The following MLLT1 variants were observed in gnomAD, a reference collection of about 807,000 sequenced individuals.
The protein encoded by MLLT1 is MLLT1 super elongation complex subunit.
Under a neutral mutation model 55.1 loss-of-function variants are expected in MLLT1, and 11 were observed. That is an observed-to-expected ratio of 0.20 (90% CI 0.13 to 0.33). MLLT1 has a LOEUF of 0.33. Ranked by LOEUF, MLLT1 falls within the 10% of genes least tolerant of loss-of-function variation. The pLI, the probability that MLLT1 is intolerant of heterozygous loss-of-function variation, is 1.00. For missense variants in MLLT1, 536 were observed against 760.6 expected (o/e 0.70, Z 3.47); for synonymous variants, 323 against 320.1 (o/e 1.01, Z -0.10).
At chr19:6,278,385 A>G (rs2091438427) in intron 1 of MLLT1, among the ~76,000 whole-genome samples, 2 of 152,122 alleles carry the variant, frequency 1.3e-5, no homozygotes, top group Non-Finnish European at 2.9e-5. Flanking sequence ...GTTTATGAGA[A>G]CCAACACAGA....
Position 6,211,584 on chromosome 19 carries a change from G to A in MLLT1, c.*1458C>T. 5.6e-6 allele frequency: 6 copies of A among 1,064,066 alleles called. No individual in the cohort carries two copies. Among genetic ancestry groups the A allele is most frequent in the Non-Finnish European group, 5.7e-6 (5 of 877,960 alleles). 65.9% of individuals were successfully genotyped at this position (1,064,066 alleles called of 1,614,324 possible). On this transcript the variant is annotated 3_prime_UTR_variant, in exon 12 of 12. Coordinates refer to ENST00000252674, the MANE Select transcript of MLLT1 (RefSeq NM_005934.4). This position sits in a 1 kb window ranked among gnomAD's most constrained non-coding sequence, Gnocchi z 4.6. ...GAGACATCTAGGTGGGTTCGAGGGG[G>A]TGCGAGCCCACCTCCAGGCCCTCAG...
At chr19:6,272,604 G>A (rs1380150580) in intron 1 of MLLT1, among the ~76,000 whole-genome samples, 1 of 152,206 alleles carries the variant, frequency 6.6e-6, no homozygotes, top group African/African-American at 2.4e-5. Flanking sequence ...GGTTGCTGAC[G>A]CAGCCCCCAG....
Position 6,262,783 on chromosome 19 carries a change from G to A in MLLT1, c.194-473C>T, listed in dbSNP as rs569119887. Among the ~76,000 whole-genome samples the A allele has an allele frequency of 6.6e-6, 1 of 152,200 alleles. No individual in the cohort carries two copies. Among genetic ancestry groups the A allele is most frequent in the South Asian group, 2.1e-4 (1 of 4,822 alleles). ...CACGGACACATGCACTGGGAGACAG[G>A]GGAGCCCCAGGTGGCTGGGACCCTC... On this transcript the variant is annotated intron_variant, in intron 2 of 11. Coordinates refer to ENST00000252674, the MANE Select transcript of MLLT1 (RefSeq NM_005934.4). The surrounding 1 kb of genome is among the most constrained non-coding windows in gnomAD (Gnocchi z 4.4).
intron 10 of MLLT1, 63 bp from the exon 11 acceptor site, chr19:6,213,471 C>T: frequency 7.4e-7 from 1 of 1,350,846 alleles, no homozygotes; most frequent in Non-Finnish European, 1.1e-6. Flanking sequence ...GCTCCCATGC[C>T]CAGCCCCACC....
chr19:6,246,269 C>T (rs2091167612), intron 3 of MLLT1, among the ~76,000 whole-genome samples: 3 of 152,136 alleles, frequency 2.0e-5, no homozygotes, highest in African/African-American at 7.2e-5. Context: ...TATCATGTGA[C>T]CTAGCAATCT....
chr19:6,251,779 A>G (rs553106133), intron 3 of MLLT1, among the ~76,000 whole-genome samples: 2,691 of 152,064 alleles, frequency 0.018, 39 homozygotes, highest in Middle Eastern at 0.051. Flanking sequence ...CAAAAAAAAA[A>G]AAAGAAAGAA....
intron 1 of MLLT1, among the ~76,000 whole-genome samples, chr19:6,274,990 C>T (rs1000802979): frequency 2.6e-5 from 4 of 152,250 alleles, no homozygotes; most frequent in African/African-American, 4.8e-5. Flanking sequence ...GCTTTCTCAA[C>T]GCAGCGTGCG....
At chr19:6,232,890 C>G (rs1049312491) in intron 3 of MLLT1, among the ~76,000 whole-genome samples, 1 of 152,212 alleles carries the variant, frequency 6.6e-6, no homozygotes, top group Non-Finnish European at 1.5e-5. Flanking sequence ...ATGCAGTCCA[C>G]CGGGATAAAA....
In MLLT1 at chr19:6,212,654, C is replaced by G. The variant is rs770765865; in HGVS notation, c.*388G>C. 1.6e-4 allele frequency: 182 copies of G among 1,110,794 alleles called. 2 individuals carry two copies. Among genetic ancestry groups the G allele is most frequent in the Non-Finnish European group, 1.4e-4 (127 of 909,868 alleles). The allele number at this position is 1,110,794 out of a possible 1,614,324, so 68.8% of individuals were successfully genotyped here. A position where few individuals can be genotyped will look rare whatever the true frequency, so the allele number is the denominator to read the frequency against. ...ACCATTCGGGAGGCTGGAGATGCCC[C>G]CCAGCCGTCGATCCGCTGCTCAGAA... On this transcript the variant is annotated 3_prime_UTR_variant, in exon 12 of 12. Coordinates refer to ENST00000252674, the MANE Select transcript of MLLT1 (RefSeq NM_005934.4).
intron 2 of MLLT1, among the ~76,000 whole-genome samples, chr19:6,267,347 A>G (rs1600217251): frequency 6.7e-6 from 1 of 150,110 alleles, no homozygotes; most frequent in South Asian, 2.1e-4. Context: ...CAGGTGATCC[A>G]CCCGTCTCGG....
chr19:6,270,221 T>C lies in MLLT1; in HGVS notation c.193+358A>G, dbSNP rs1159706685. On this transcript the variant is annotated intron_variant, in intron 2 of 11. Transcript: ENST00000252674. The surrounding 1 kb of genome is among the most constrained non-coding windows in gnomAD (Gnocchi z 7.1). ...TTCTTTCTGCCCCAAATATTGGGAA[T>C]TCTTCACATGGCACACAAACAAACA... Among the ~76,000 whole-genome samples, 2 of 142,168 alleles carry C rather than the reference T, an allele frequency of 1.4e-5. No homozygotes were observed. Among genetic ancestry groups the C allele is most frequent in the East Asian group, 3.8e-4 (2 of 5,204 alleles). 93.3% of individuals were successfully genotyped at this position (142,168 alleles called of 152,430 possible).
At position 6,262,185 on chromosome 19, in the gene MLLT1, C is replaced by G. The variant is rs567652405; in HGVS notation, c.276+43G>C. On this transcript the variant is annotated intron_variant, in intron 3 of 11. Transcript: ENST00000252674. The surrounding 1 kb of genome is among the most constrained non-coding windows in gnomAD (Gnocchi z 4.4). Reference sequence around the variant, plus strand: ...CTGCCGTGGCACCCGGAGCAGGGGTCCCCACAGAGAGGCATCCTGCTTGCT... The same window carrying G: ...CTGCCGTGGCACCCGGAGCAGGGGTGCCCACAGAGAGGCATCCTGCTTGCT... The G allele has an allele frequency of 2.0e-6, 3 of 1,525,930 alleles. No individual in the cohort carries two copies. Among genetic ancestry groups the G allele is most frequent in the Non-Finnish European group, 2.7e-6 (3 of 1,100,618 alleles). 94.5% of individuals were successfully genotyped at this position (1,525,930 alleles called of 1,614,324 possible). A position where few individuals can be genotyped will look rare whatever the true frequency, so the allele number is the denominator to read the frequency against.
At chr19:6,228,016 A>G (rs567970516) in intron 4 of MLLT1, among the ~76,000 whole-genome samples, 2 of 152,336 alleles carry the variant, frequency 1.3e-5, no homozygotes, top group East Asian at 1.9e-4. Context: ...CCTTTCATCT[A>G]AGGACACTGA....
intron 3 of MLLT1, among the ~76,000 whole-genome samples, chr19:6,254,991 A>C (rs889313533): frequency 2.2e-4 from 34 of 152,154 alleles, no homozygotes; most frequent in Middle Eastern, 3.4e-3. Flanking sequence ...GAAAAAAAAA[A>C]AACAACACCC....
chr19:6,232,591 C>T (rs1028624530), intron 3 of MLLT1, among the ~76,000 whole-genome samples: 1 of 152,186 alleles, frequency 6.6e-6, no homozygotes, highest in South Asian at 2.1e-4. Context: ...ACGTGAACTT[C>T]GGAAACATTT....
At chr19:6,217,284 A>C (rs1445783075) in intron 7 of MLLT1, among the ~76,000 whole-genome samples, 1 of 152,130 alleles carries the variant, frequency 6.6e-6, no homozygotes, top group African/African-American at 2.4e-5. Flanking sequence ...AAAGGATTCC[A>C]GGCCAAGGGG....
intron 3 of MLLT1, among the ~76,000 whole-genome samples, chr19:6,253,748 G>A (rs2091237358): frequency 6.6e-6 from 1 of 152,134 alleles, no homozygotes; most frequent in African/African-American, 2.4e-5. Context: ...TCTCATTAGA[G>A]ACAGATAAGA....
intron 3 of MLLT1, among the ~76,000 whole-genome samples, chr19:6,243,473 A>ATGGGACAGGCG (rs1268472295): frequency 6.6e-6 from 1 of 152,218 alleles, no homozygotes; most frequent in Non-Finnish European, 1.5e-5. Flanking sequence ...CCAGAACATC[A>ATGGGACAGGCG]TGGGACAGGC....
rs1189760366 is a variant in MLLT1 at position 6,230,736 on chromosome 19, G to C, written c.277-23C>G. 3.1e-6 allele frequency: 5 copies of C among 1,613,360 alleles called. No homozygotes were observed. The South Asian group carries it at 5.5e-5, about 18-fold the overall frequency. The stretch of plus-strand genomic sequence containing the variant: ...CTCCTGAAACAGAGAAAACAAGAAA[G>C]TCTGCATCAGAGGGTGGCCGTGGTG... On this transcript the variant is annotated intron_variant, in intron 3 of 11. Transcript: ENST00000252674. This position sits in a 1 kb window ranked among gnomAD's most constrained non-coding sequence, Gnocchi z 9.0.
Sources: allele counts gnomAD v4.1 joint callset (sites outside exome capture counted in the v4.1 genomes callset), GRCh38; gene constraint gnomAD v4.1.1; non-coding constraint Gnocchi (gnomAD v3.1); transcripts MANE v1.5; gene names NCBI Gene and HGNC (gene_info 2026-07-23, HGNC 2026-07-21).